SLC9C1: variants seen among roughly 807,000 people sequenced by gnomAD.
SLC9C1 encodes the protein sodium/hydrogen exchanger 10.
Under a neutral mutation model 140.9 loss-of-function variants are expected in SLC9C1, and 97 were observed. The ratio of observed to expected loss-of-function variants is 0.69; its 90% CI spans 0.58 to 0.82. SLC9C1 has a LOEUF of 0.82. Ranked by LOEUF, SLC9C1 falls within the 40% of genes least tolerant of loss-of-function variation. The probability of loss-of-function intolerance (pLI) is 0.00; values close to 1 mark genes in which losing one functional copy is unlikely to be tolerated. For missense variants in SLC9C1, 1,340 were observed against 1,389.3 expected (o/e 0.96, Z 0.56); for synonymous variants, 440 against 442.6 (o/e 0.99, Z 0.07).
chr3:112,180,003 C>T (rs1475000198), intron 22 of SLC9C1, among the ~76,000 whole-genome samples: 1 of 152,108 alleles, frequency 6.6e-6, no homozygotes, highest in East Asian at 1.9e-4. Flanking sequence ...TTATAATTGT[C>T]CATCGTGAAA....
At chr3:112,220,776 G>C (rs1234105242) in intron 14 of SLC9C1, among the ~76,000 whole-genome samples, 1 of 152,210 alleles carries the variant, frequency 6.6e-6, no homozygotes, top group Non-Finnish European at 1.5e-5. Context: ...AGGGATTAAG[G>C]AAGGCTTCAC....
intron 1 of SLC9C1, among the ~76,000 whole-genome samples, chr3:112,287,778 T>C (rs2080552636): frequency 6.6e-6 from 1 of 152,198 alleles, no homozygotes; most frequent in African/African-American, 2.4e-5. Context: ...CCGGGCACGG[T>C]GGCTCACGCC....
Position 112,202,232 on chromosome 3 carries a change from G to C in SLC9C1, c.2322+18C>G, listed in dbSNP as rs1458723409. ...AGGGCTGAGTGAACTCTTTTCTTAG[G>C]ATTTAAGGTTTTCTTACCTGTTTAA... On this transcript the variant is annotated intron_variant, in intron 18 of 28. Coordinates refer to ENST00000305815, the MANE Select transcript of SLC9C1 (RefSeq NM_183061.3). The C allele has an allele frequency of 2.5e-6, 4 of 1,607,842 alleles. No individual in the cohort carries two copies. Among genetic ancestry groups the C allele is most frequent in the Non-Finnish European group, 3.4e-6 (4 of 1,177,846 alleles).
At chr3:112,210,985 C>T (rs1050042174) in intron 15 of SLC9C1, among the ~76,000 whole-genome samples, 3 of 152,068 alleles carry the variant, frequency 2.0e-5, no homozygotes, top group Admixed American at 2.0e-4. Context: ...TATAAAAACT[C>T]TAACAATATA....
intron 12 of SLC9C1, among the ~76,000 whole-genome samples, chr3:112,231,736 A>G (rs1217170483): frequency 6.6e-6 from 1 of 152,178 alleles, no homozygotes; most frequent in Non-Finnish European, 1.5e-5. Context: ...GGCATTATTA[A>G]CAGTTTAAAA....
At chr3:112,173,315 G>T (rs1009820437) in intron 23 of SLC9C1, among the ~76,000 whole-genome samples, 1 of 152,102 alleles carries the variant, frequency 6.6e-6, no homozygotes, top group Non-Finnish European at 1.5e-5. Flanking sequence ...AGAAGTGCAG[G>T]TTTGTTATAT....
At chr3:112,213,757 T>C (rs192809949) in intron 15 of SLC9C1, among the ~76,000 whole-genome samples, 1 of 152,126 alleles carries the variant, frequency 6.6e-6, no homozygotes, top group African/African-American at 2.4e-5. Context: ...ACAATAATAA[T>C]GGGAGACTTT....
intron 6 of SLC9C1, among the ~76,000 whole-genome samples, chr3:112,274,267 T>C (rs2080155102): frequency 1.3e-5 from 2 of 152,104 alleles, no homozygotes; most frequent in Admixed American, 6.6e-5. Context: ...TTAATAGTTA[T>C]ATAGCTGTAT....
intron 8 of SLC9C1, 89 bp downstream of exon 8, chr3:112,266,149 C>T (rs577235688): frequency 1.3e-5 from 13 of 987,434 alleles, no homozygotes; most frequent in Non-Finnish European, 1.8e-5. Flanking sequence ...GAAAATCTTA[C>T]TTCGACCATG....
chr3:112,153,735 T>TA (rs1484909547), intron 27 of SLC9C1, among the ~76,000 whole-genome samples: 8 of 152,180 alleles, frequency 5.3e-5, no homozygotes, highest in Non-Finnish European at 1.2e-4. Flanking sequence ...TTATGTAGGT[T>TA]AAAAAATTTG....
chr3:112,225,480 T>C (rs908851421), intron 13 of SLC9C1, among the ~76,000 whole-genome samples: 20 of 151,718 alleles, frequency 1.3e-4, no homozygotes, highest in African/African-American at 4.4e-4. Context: ...AATCAAACCT[T>C]ATTATTACAG....
chr3:112,256,409 G>A (rs1254795602), intron 10 of SLC9C1, among the ~76,000 whole-genome samples: 1 of 152,132 alleles, frequency 6.6e-6, no homozygotes. Flanking sequence ...GGGATGCAAG[G>A]TTGGTTCAAT....
chr3:112,225,450 A>G (rs747051641), intron 13 of SLC9C1, among the ~76,000 whole-genome samples: 31 of 152,140 alleles, frequency 2.0e-4, no homozygotes, highest in Non-Finnish European at 3.8e-4. Flanking sequence ...GAGCAGATAC[A>G]CAAATCTTAA....
chr3:112,236,738 T>C (rs2078997520), intron 12 of SLC9C1, among the ~76,000 whole-genome samples: 1 of 152,234 alleles, frequency 6.6e-6, no homozygotes, highest in East Asian at 1.9e-4. Flanking sequence ...CCAGTAGTCA[T>C]TCAGGAGCAG....
intron 20 of SLC9C1, among the ~76,000 whole-genome samples, chr3:112,188,966 T>G (rs1428843227): frequency 3.3e-5 from 5 of 152,226 alleles, no homozygotes; most frequent in Admixed American, 6.5e-5. Context: ...GTTTTGATTT[T>G]CATTTCTCTG....
rs539375056 is a variant in SLC9C1, at chr3:112,292,583, G to A, written c.-88+1510C>T. Among the ~76,000 whole-genome samples, 36 of 152,102 alleles carry A rather than the reference G, an allele frequency of 2.4e-4. No homozygotes were observed. The South Asian group carries it at 5.4e-3, about 23-fold the overall frequency. ...TTTTGAGACGGAGTCATGATCTGTCGCCCAGGCTGGAGTGCAGTGGTGCGA... is the reference window on the plus strand; with the variant it reads ...TTTTGAGACGGAGTCATGATCTGTCACCCAGGCTGGAGTGCAGTGGTGCGA... On this transcript the variant is annotated intron_variant, in intron 1 of 28. Coordinates refer to ENST00000305815, the MANE Select transcript of SLC9C1 (RefSeq NM_183061.3).
chr3:112,277,802 A>G lies in SLC9C1; in HGVS notation c.377T>C (p.Leu126Pro). 1 of 1,612,202 alleles carries G rather than the reference A, an allele frequency of 6.2e-7. No individual in the cohort carries two copies. The highest frequency in any genetic ancestry group is 8.5e-7 in the Non-Finnish European group (1 of 1,179,178). ...CAAAAGTAATTGATTTACAGATGCC[A>G]GATGCCAAAGAACTAAGATATAATT... The part of the protein sequence containing the change: ...LVNYILVLWH[L>P]ASVNQLLLKP... Residue 126 changes from leucine to proline, a missense_variant, in exon 5 of 29, where the codon CTG (leucine) becomes CCG (proline). Leu to Pro is a moderately conservative substitution (Grantham distance 98). Transcript: ENST00000305815.
intron 7 of SLC9C1, among the ~76,000 whole-genome samples, chr3:112,267,343 A>C (rs947455494): frequency 6.6e-5 from 10 of 151,834 alleles, no homozygotes; most frequent in African/African-American, 2.4e-4. Flanking sequence ...TTGGGAGGCC[A>C]AGGCGGGTGG....
intron 1 of SLC9C1, among the ~76,000 whole-genome samples, chr3:112,288,751 C>A (rs943678358): frequency 6.6e-6 from 1 of 152,086 alleles, no homozygotes; most frequent in Non-Finnish European, 1.5e-5. Flanking sequence ...CAGAGTGATA[C>A]CTTGTCTCTA....
Sources: gnomAD v4.1 joint callset for allele counts (sites outside exome capture counted in the v4.1 genomes callset) on GRCh38, gnomAD v4.1.1 for gene constraint, MANE v1.5 for transcripts, NCBI Gene and HGNC (gene_info 2026-07-23, HGNC 2026-07-21) for gene names.